The following TMEM114 variants were observed in gnomAD, a reference collection of about 807,000 sequenced individuals.
TMEM114 encodes the protein transmembrane protein 114, also known as claudin-26.
Under a neutral mutation model 6.2 loss-of-function variants are expected in TMEM114, and 6 were observed. The observed-to-expected ratio is 0.97, with a 90% CI of 0.53 to 1.91. The LOEUF (loss-of-function observed/expected upper bound fraction) is 1.91. TMEM114 is among the 40% of genes most tolerant of loss of function. The pLI is 0.01. For missense variants in TMEM114, 218 were observed against 158.3 expected, an observed-to-expected ratio of 1.38 and a Z score of -2.02; for synonymous variants, 104 against 73.0, an observed-to-expected ratio of 1.42 and a Z score of -2.16.
intron 2 of TMEM114, among the ~76,000 whole-genome samples, chr16:8,553,918 A>C: frequency 6.8e-6 from 1 of 147,640 alleles, no homozygotes; most frequent in Admixed American, 6.8e-5. Flanking sequence ...TCTCTCAGTC[A>C]CCCAGGCTAG....
intron 2 of TMEM114, among the ~76,000 whole-genome samples, chr16:8,562,097 T>G (rs1036711600): frequency 3.3e-5 from 5 of 150,960 alleles, no homozygotes; most frequent in South Asian, 2.1e-4. Context: ...AGTGAGTGAG[T>G]GAATGAGTGA....
At chr16:8,539,199 G>C (rs913515584) in intron 2 of TMEM114, among the ~76,000 whole-genome samples, 5 of 152,066 alleles carry the variant, frequency 3.3e-5, no homozygotes, top group African/African-American at 1.2e-4. Flanking sequence ...CTGAATAAAC[G>C]TTTGAGGATC....
chr16:8,564,634 T>C (rs1266384048), downstream of TMEM114, among the ~76,000 whole-genome samples: 1 of 149,118 alleles, frequency 6.7e-6, no homozygotes, highest in Non-Finnish European at 1.5e-5. Flanking sequence ...AGTGAGTGAG[T>C]GAATGAGTGA....
intron 2 of TMEM114, among the ~76,000 whole-genome samples, chr16:8,563,251 G>C (rs1364903189): frequency 6.6e-6 from 1 of 151,786 alleles, no homozygotes; most frequent in Non-Finnish European, 1.5e-5. Flanking sequence ...ATGAGTCAGT[G>C]AGTGAATGAA....
At chr16:8,569,459 C>T, downstream of TMEM114, 2 of 1,186,362 alleles carry the variant, frequency 1.7e-6, no homozygotes, top group African/African-American at 1.6e-5. Context: ...GAAATGAAGT[C>T]GGAGGGGGCG....
rs1473608069 is a variant in TMEM114, at chr16:8,557,682, G to C, written n.213-19856C>G. On this transcript the variant is annotated intron_variant and non_coding_transcript_variant, in intron 2 of 2. Transcript: ENST00000623677. ...TCCAGAACCAACTTACCCAGGGCAT[G>C]AACTCAGGTAATTATTTCCTGCCTC... Among the ~76,000 whole-genome samples the C allele has an allele frequency of 3.3e-5, 5 of 152,206 alleles. 1 individual carries two copies. The highest frequency in any genetic ancestry group is 9.7e-5 in the African/African-American group (4 of 41,448).
chr16:8,549,130 C>A (rs1900761738), intron 2 of TMEM114, among the ~76,000 whole-genome samples: 1 of 139,066 alleles, frequency 7.2e-6, no homozygotes, highest in African/African-American at 2.8e-5. Context: ...TGCAGTGAGC[C>A]GAGATCGTAC....
At chr16:8,572,559 C>T (rs956638407) in intron 2 of TMEM114, among the ~76,000 whole-genome samples, 1 of 152,146 alleles carries the variant, frequency 6.6e-6, no homozygotes, top group Non-Finnish European at 1.5e-5. Context: ...CCTAAGCTGC[C>T]CAAGTAGCTG....
downstream of TMEM114, among the ~76,000 whole-genome samples, chr16:8,568,698 C>A (rs567585836): frequency 1.2e-4 from 19 of 152,224 alleles, no homozygotes; most frequent in African/African-American, 4.3e-4. Flanking sequence ...AAAGGCTCCT[C>A]GGGCCCTCCC....
intron 2 of TMEM114, among the ~76,000 whole-genome samples, chr16:8,555,269 G>A (rs9936920): frequency 0.43 from 65,013 of 151,952 alleles, 14,187 homozygotes; most frequent in East Asian, 0.52. Flanking sequence ...GCAAGCCTGT[G>A]GTAGAAGAAA....
At chr16:8,585,079 G>A (rs561775427) in intron 2 of TMEM114, among the ~76,000 whole-genome samples, 2 of 152,250 alleles carry the variant, frequency 1.3e-5, no homozygotes, top group Admixed American at 1.3e-4. Context: ...GGTGAATGAG[G>A]AGCAAAGTCA....
At chr16:8,546,956 G>C (rs1024750529) in intron 2 of TMEM114, among the ~76,000 whole-genome samples, 1 of 152,180 alleles carries the variant, frequency 6.6e-6, no homozygotes, top group Non-Finnish European at 1.5e-5. Context: ...GGGAGGACAG[G>C]GGAAAGCCAC....
intron 2 of TMEM114, among the ~76,000 whole-genome samples, chr16:8,555,034 C>T (rs1435907119): frequency 1.3e-5 from 2 of 152,178 alleles, no homozygotes; most frequent in Non-Finnish European, 2.9e-5. Context: ...CAGGGCCTTC[C>T]CACTCATGGG....
At chr16:8,581,802 C>G (rs1379786339) in intron 2 of TMEM114, among the ~76,000 whole-genome samples, 1 of 152,206 alleles carries the variant, frequency 6.6e-6, no homozygotes, top group East Asian at 1.9e-4. Context: ...TAAAATGTGG[C>G]CTTTATTTTT....
At chr16:8,563,435 CAATGAGTAAGTG>C (rs1175853369) in intron 2 of TMEM114, among the ~76,000 whole-genome samples, 5 of 16,404 alleles carry the variant, frequency 3.0e-4, no homozygotes, top group Admixed American at 6.5e-4. Flanking sequence ...ATGAGTGAGG[CAATGAGTAAGTG>C]AATGAGTGAG....
At chr16:8,541,833 T>A (rs1431605584) in intron 2 of TMEM114, among the ~76,000 whole-genome samples, 1 of 152,156 alleles carries the variant, frequency 6.6e-6, no homozygotes, top group Non-Finnish European at 1.5e-5. Flanking sequence ...GATTCTAGAA[T>A]TCTGCAGGGC....
downstream of TMEM114, among the ~76,000 whole-genome samples, chr16:8,565,826 T>C (rs1457593311): frequency 6.6e-6 from 1 of 152,226 alleles, no homozygotes; most frequent in Non-Finnish European, 1.5e-5. Flanking sequence ...TGATTGCATT[T>C]GGCTCCATTG....
chr16:8,568,446 A>G (rs1309939492), downstream of TMEM114, among the ~76,000 whole-genome samples: 3 of 150,668 alleles, frequency 2.0e-5, no homozygotes, highest in African/African-American at 7.4e-5. Flanking sequence ...ATGTCATGGC[A>G]TGGTGGTGAT....
chr16:8,569,070 A>G (rs1431591197), downstream of TMEM114, among the ~76,000 whole-genome samples: 1 of 152,208 alleles, frequency 6.6e-6, no homozygotes, highest in Non-Finnish European at 1.5e-5. Context: ...GAGTATCAAC[A>G]AGCCCATAGA....
Sources: allele counts gnomAD v4.1 joint callset (sites outside exome capture counted in the v4.1 genomes callset), GRCh38; gene constraint gnomAD v4.1.1; transcripts MANE v1.5; gene names NCBI Gene and HGNC (gene_info 2026-07-23, HGNC 2026-07-21).